Variants in ATF2 observed in about 807,000 individuals in gnomAD.
The protein encoded by ATF2 is activating transcription factor 2.
ATF2 carries 24 observed loss-of-function variants against 60.6 expected under a neutral mutation model. The observed-to-expected ratio is 0.40, with a 90% CI of 0.29 to 0.56. The LOEUF is 0.56. Among genes scored for constraint, ATF2 ranks in the 20% least tolerant of loss-of-function variants. The probability of loss-of-function intolerance (pLI) is 0.54; values close to 1 mark genes in which losing one functional copy is unlikely to be tolerated. For synonymous variants in ATF2, 206 were observed against 215.4 expected (o/e 0.96, Z 0.38); for missense variants, 433 against 607.7 (o/e 0.71, Z 3.02).
rs1438892120 is a variant in ATF2 at position 175,114,877 on chromosome 2, C to T, written c.448-9G>A. On this transcript the variant is annotated splice_polypyrimidine_tract_variant and intron_variant, in intron 7 of 13. Coordinates refer to ENST00000264110, the MANE Select transcript of ATF2 (RefSeq NM_001880.4). ...TGTGCCAATGGTACTTCCTATTTAACAATGAGATAAAAAAGGGTGGCATTT... is the reference window on the plus strand; with the variant it reads ...TGTGCCAATGGTACTTCCTATTTAATAATGAGATAAAAAAGGGTGGCATTT... 3 of 1,603,308 alleles carry T rather than the reference C, an allele frequency of 1.9e-6. No individual in the cohort carries two copies. The highest frequency in any genetic ancestry group is 2.7e-5 in the African/African-American group (2 of 74,538).
chr2:175,127,341 A>C (rs1697405123), intron 4 of ATF2: 1 of 154,740 alleles, frequency 6.5e-6, no homozygotes, highest in Non-Finnish European at 1.5e-5. Flanking sequence ...GTGCAAAGAG[A>C]ACTGTAGTTT....
intron 5 of ATF2, among the ~76,000 whole-genome samples, chr2:175,120,489 C>A (rs913451803): frequency 6.6e-6 from 1 of 151,564 alleles, no homozygotes; most frequent in African/African-American, 2.4e-5. Context: ...GGGAAAACCA[C>A]CGAATATTTG....
chr2:175,120,299 A>G (rs75725448), intron 5 of ATF2, among the ~76,000 whole-genome samples: 1 of 141,482 alleles, frequency 7.1e-6, no homozygotes, highest in Admixed American at 7.1e-5. Context: ...AAAATACTCC[A>G]AAAAAAAAAA....
chr2:175,116,468 G>C (rs1016901253), intron 7 of ATF2, among the ~76,000 whole-genome samples: 1 of 152,008 alleles, frequency 6.6e-6, no homozygotes, highest in African/African-American at 2.4e-5. Context: ...TTAAGTTTAA[G>C]ATGTCTATTA....
chr2:175,159,143 C>T (rs1345544615), intron 1 of ATF2, among the ~76,000 whole-genome samples: 1 of 151,958 alleles, frequency 6.6e-6, no homozygotes, highest in Non-Finnish European at 1.5e-5. Context: ...CATGGAGAAA[C>T]CCCGTCTCTA....
intron 10 of ATF2, among the ~76,000 whole-genome samples, chr2:175,098,330 T>G (rs1268188132): frequency 6.6e-6 from 1 of 152,210 alleles, no homozygotes; most frequent in Admixed American, 6.5e-5. Context: ...GACCACAGTA[T>G]CTCAGCAATG....
chr2:175,119,591 T>C (rs1574416021), intron 5 of ATF2, among the ~76,000 whole-genome samples: 2 of 151,524 alleles, frequency 1.3e-5, no homozygotes, highest in South Asian at 4.1e-4. Flanking sequence ...GTTAGTAATA[T>C]CAGAATTACT....
chr2:175,108,898 G>A (rs1476198335), intron 10 of ATF2, among the ~76,000 whole-genome samples: 3 of 152,146 alleles, frequency 2.0e-5, no homozygotes, highest in African/African-American at 4.8e-5. Flanking sequence ...TCTGAAACTT[G>A]TGCTGTGTCC....
At chr2:175,099,741 T>C (rs1049147554) in intron 10 of ATF2, among the ~76,000 whole-genome samples, 22 of 152,364 alleles carry the variant, frequency 1.4e-4, no homozygotes, top group African/African-American at 4.8e-4. Flanking sequence ...AAACCAGATA[T>C]CATTTGCTCA....
chr2:175,097,861 G>A (rs1326744430), intron 10 of ATF2, among the ~76,000 whole-genome samples: 1 of 152,162 alleles, frequency 6.6e-6, no homozygotes, highest in African/African-American at 2.4e-5. Flanking sequence ...CCTCCTCCAA[G>A]AACCTACAGC....
At chr2:175,092,927 A>T in intron 12 of ATF2, 134 bp downstream of exon 12, 1 of 905,052 alleles carries the variant, frequency 1.1e-6, no homozygotes, top group South Asian at 1.7e-5. Context: ...TTACAAAACT[A>T]TGATTTACTA....
intron 1 of ATF2, among the ~76,000 whole-genome samples, chr2:175,153,262 C>A (rs112875404): frequency 6.6e-6 from 1 of 152,120 alleles, no homozygotes; most frequent in Non-Finnish European, 1.5e-5. Flanking sequence ...CTGCTTTGCC[C>A]CCACTACCTG....
chr2:175,111,483 A>G (rs1194035744), intron 10 of ATF2, 85 bp downstream of exon 10: 4 of 1,222,662 alleles, frequency 3.3e-6, no homozygotes. Flanking sequence ...TGTGATCTAA[A>G]TTGTGCATTT....
chr2:175,074,411 C>CA lies in ATF2; in HGVS notation c.*197dup, dbSNP rs1196251455. ...ATAATATTTATAAAAAAAGCAAAAT[C>CA]AGTCTTTTTCCAGAGACTAAAAACC... On this transcript the variant is annotated 3_prime_UTR_variant, in exon 14 of 14. Transcript: ENST00000264110. The CA allele has an allele frequency of 4.4e-6, 2 of 452,492 alleles. No individual in the cohort carries two copies. Among genetic ancestry groups the CA allele is most frequent in the African/African-American group, 4.0e-5 (2 of 49,696 alleles). 28.0% of individuals were successfully genotyped at this position (452,492 alleles called of 1,614,324 possible). A position where few individuals can be genotyped will look rare whatever the true frequency, so the allele number is the denominator to read the frequency against.
intron 10 of ATF2, among the ~76,000 whole-genome samples, chr2:175,100,683 T>C (rs536361537): frequency 2.6e-5 from 4 of 152,350 alleles, no homozygotes; most frequent in African/African-American, 7.2e-5. Context: ...CATTAGGTCA[T>C]AGCCTGTTCC....
chr2:175,153,214 T>C (rs1057216877), intron 1 of ATF2, among the ~76,000 whole-genome samples: 6 of 152,156 alleles, frequency 3.9e-5, no homozygotes, highest in African/African-American at 1.4e-4. Flanking sequence ...AATAACATCC[T>C]TTTTTTGTAA....
chr2:175,139,635 T>C (rs2105777249), intron 2 of ATF2, among the ~76,000 whole-genome samples: 1 of 147,206 alleles, frequency 6.8e-6, no homozygotes, highest in South Asian at 2.1e-4. Flanking sequence ...ATCGTGCCAC[T>C]GTGCTGCAAC....
In ATF2 at chr2:175,113,685, T is replaced by C. The variant is rs1440211046; in HGVS notation, c.741+309A>G. ...TACCACAGAGTTACCTGACAAGTAT[T>C]CTAGTACAAATATCTTTCTAAAATT... On this transcript the variant is annotated intron_variant, in intron 9 of 13. Coordinates refer to ENST00000264110, the MANE Select transcript of ATF2 (RefSeq NM_001880.4). 2.6e-5 allele frequency among the ~76,000 whole-genome samples: 4 copies of C among 152,164 alleles called. No homozygotes were observed. The East Asian group carries it at 7.7e-4, about 29-fold the overall frequency.
chr2:175,108,197 T>G (rs1407888550), intron 10 of ATF2, among the ~76,000 whole-genome samples: 1 of 150,348 alleles, frequency 6.7e-6, no homozygotes, highest in Non-Finnish European at 1.5e-5. Context: ...GTCTGGGATG[T>G]GAGGAGCCCC....
Sources: allele counts gnomAD v4.1 joint callset (sites outside exome capture counted in the v4.1 genomes callset), GRCh38; gene constraint gnomAD v4.1.1; transcripts MANE v1.5; gene names NCBI Gene and HGNC (gene_info 2026-07-23, HGNC 2026-07-21).